EYA2: variants seen among roughly 807,000 people sequenced by gnomAD.
EYA2 encodes the protein protein phosphatase EYA2.
Under a neutral mutation model 69.2 loss-of-function variants are expected in EYA2, and 31 were observed. That is an observed-to-expected ratio of 0.45 (90% confidence interval 0.34 to 0.60). EYA2 has a LOEUF of 0.60. EYA2 is among the 20% of genes least tolerant of loss of function. The probability of loss-of-function intolerance (pLI) is 0.02; values close to 1 mark genes in which losing one functional copy is unlikely to be tolerated. For missense variants in EYA2, 622 were observed against 701.2 expected, an observed-to-expected ratio of 0.89 and a Z score of 1.28; for synonymous variants, 257 against 279.4, an observed-to-expected ratio of 0.92 and a Z score of 0.80.
intron 1 of EYA2, among the ~76,000 whole-genome samples, chr20:46,910,132 A>T (rs761947663): frequency 6.6e-6 from 1 of 152,192 alleles, no homozygotes; most frequent in Non-Finnish European, 1.5e-5. Context: ...ATTTGCAAAG[A>T]AAAGAGTTTT....
At chr20:47,187,362 AAAG>A (rs1568836195) in intron 15 of EYA2, among the ~76,000 whole-genome samples, 12 of 143,804 alleles carry the variant, frequency 8.3e-5, no homozygotes, top group African/African-American at 3.5e-4. Flanking sequence ...AGAAAGAAAG[AAAG>A]AAAAAAAAAA....
intron 5 of EYA2, among the ~76,000 whole-genome samples, chr20:47,031,199 T>C (rs1984390955): frequency 6.6e-6 from 1 of 152,086 alleles, no homozygotes; most frequent in Non-Finnish European, 1.5e-5. Context: ...GAAGTGACAG[T>C]GGAGCTGGCA....
intron 5 of EYA2, among the ~76,000 whole-genome samples, chr20:47,026,505 GCAAA>G (rs1254302108): frequency 6.6e-6 from 1 of 150,762 alleles, no homozygotes. Flanking sequence ...CAAAAAACAA[GCAAA>G]CAAACAAAAA....
At chr20:47,166,352 G>T (rs2034186191) in intron 10 of EYA2, among the ~76,000 whole-genome samples, 1 of 118,036 alleles carries the variant, frequency 8.5e-6, no homozygotes, top group South Asian at 3.0e-4. Context: ...AACTGAGATT[G>T]TGCCACTGCA....
intron 10 of EYA2, among the ~76,000 whole-genome samples, chr20:47,166,358 CTGCACTCCAGCTTGGGTGACA>C (rs1379341450): frequency 1.5e-3 from 188 of 121,834 alleles, no homozygotes; most frequent in African/African-American, 5.8e-3. Flanking sequence ...GATTGTGCCA[CTGCACTCCAGCTTGGGTGACA>C]GAGCAAGACT....
At chr20:47,050,575 C>T (rs2042527238) in intron 5 of EYA2, among the ~76,000 whole-genome samples, 1 of 152,234 alleles carries the variant, frequency 6.6e-6, no homozygotes, top group East Asian at 1.9e-4. Flanking sequence ...CGCAGCTGCT[C>T]GGACCATCAA....
intron 1 of EYA2, among the ~76,000 whole-genome samples, chr20:46,910,886 CTG>C (rs1984611514): frequency 6.6e-6 from 1 of 152,370 alleles, no homozygotes; most frequent in African/African-American, 2.4e-5. Context: ...TCTGTCAACA[CTG>C]TGCCCACATT....
In EYA2 at chr20:46,957,228, G is replaced by A. The variant is rs183342682; in HGVS notation, c.-10-32773G>A. ...CCTCTGGTCAGCTCTTTACCCCTGC[G>A]GGTTACTGTACCCCTTCCTCCTTCT... On this transcript the variant is annotated intron_variant, in intron 1 of 15. Transcript: ENST00000327619. Among the ~76,000 whole-genome samples, 8 of 152,148 alleles carry A rather than the reference G, an allele frequency of 5.3e-5. No individual in the cohort carries two copies. In the East Asian group the frequency reaches 9.7e-4, roughly 18 times the overall value.
chr20:47,028,162 G>A (rs1391089531), intron 5 of EYA2, among the ~76,000 whole-genome samples: 1 of 152,212 alleles, frequency 6.6e-6, no homozygotes, highest in Non-Finnish European at 1.5e-5. Context: ...CAAGGACACA[G>A]TGAGAAGGTG....
At chr20:47,185,507 G>A (rs2034622706) in intron 15 of EYA2, among the ~76,000 whole-genome samples, 1 of 151,820 alleles carries the variant, frequency 6.6e-6, no homozygotes, top group African/African-American at 2.4e-5. Flanking sequence ...TTGCCATGTT[G>A]GCCAGGCTGG....
chr20:47,164,960 C>T (rs1041515201), intron 10 of EYA2, among the ~76,000 whole-genome samples: 1 of 152,118 alleles, frequency 6.6e-6, no homozygotes, highest in African/African-American at 2.4e-5. Flanking sequence ...GACAAGCTGC[C>T]GGCCTGGCTC....
intron 5 of EYA2, among the ~76,000 whole-genome samples, chr20:47,018,967 C>A (rs1004081340): frequency 6.6e-6 from 1 of 152,196 alleles, no homozygotes; most frequent in Admixed American, 6.5e-5. Context: ...GCTTAATCTC[C>A]CCAGTAGCCC....
intron 9 of EYA2, among the ~76,000 whole-genome samples, chr20:47,130,261 C>CTTTTTTTTCT (rs1461074772): frequency 3.7e-5 from 3 of 81,262 alleles, no homozygotes; most frequent in Non-Finnish European, 6.5e-5. Context: ...GGTTTATTTT[C>CTTTTTTTTCT]TTTTTTTTTT....
intron 9 of EYA2, among the ~76,000 whole-genome samples, chr20:47,124,497 G>T (rs1343329858): frequency 6.6e-6 from 1 of 152,168 alleles, no homozygotes; most frequent in Non-Finnish European, 1.5e-5. Flanking sequence ...ACGTGGTGTT[G>T]ATGGGGATGT....
At chr20:47,096,681 A>T (rs2032255898) in intron 8 of EYA2, among the ~76,000 whole-genome samples, 1 of 152,264 alleles carries the variant, frequency 6.6e-6, no homozygotes, top group Non-Finnish European at 1.5e-5. Flanking sequence ...ACTTAGAATT[A>T]TAGAGGTGAT....
At chr20:47,055,233 C>G (rs4810603) in intron 5 of EYA2, among the ~76,000 whole-genome samples, 2 of 152,192 alleles carry the variant, frequency 1.3e-5, no homozygotes, top group Non-Finnish European at 2.9e-5. Context: ...CCTCATTGCC[C>G]TGCATGGGAC....
intron 9 of EYA2, among the ~76,000 whole-genome samples, chr20:47,097,407 A>G (rs1465887069): frequency 6.6e-6 from 1 of 152,190 alleles, no homozygotes; most frequent in East Asian, 1.9e-4. Context: ...AGCAATCAAC[A>G]TTTACTTGAT....
chr20:46,913,903 C>T (rs7262635), intron 1 of EYA2, among the ~76,000 whole-genome samples: 265 of 152,266 alleles, frequency 1.7e-3, no homozygotes, highest in African/African-American at 5.8e-3. Context: ...CATTTTATCA[C>T]GCCCATTTTG....
At chr20:47,092,237 G>A (rs977492365) in intron 8 of EYA2, among the ~76,000 whole-genome samples, 54 of 152,036 alleles carry the variant, frequency 3.6e-4, no homozygotes, top group African/African-American at 1.2e-3. Flanking sequence ...TCAGCCTCCC[G>A]AGATCTACCA....
Sources: allele counts gnomAD v4.1 joint callset (sites outside exome capture counted in the v4.1 genomes callset), GRCh38; gene constraint gnomAD v4.1.1; transcripts MANE v1.5; gene names NCBI Gene and HGNC (gene_info 2026-07-23, HGNC 2026-07-21).